NKAIN3: variants seen among roughly 807,000 people sequenced by gnomAD.
The protein encoded by NKAIN3 is sodium/potassium transporting ATPase interacting 3.
A neutral mutation model predicts 30.2 loss-of-function variants in NKAIN3; 25 were observed. That is an observed-to-expected ratio of 0.83 (90% CI 0.60 to 1.16). NKAIN3 has a LOEUF of 1.16. Among genes scored for constraint, NKAIN3 ranks in the 50% most tolerant of loss-of-function variants. The probability of loss-of-function intolerance (pLI) is 0.00; values close to 1 mark genes in which losing one functional copy is unlikely to be tolerated. For missense variants in NKAIN3, 225 were observed against 254.1 expected, an observed-to-expected ratio of 0.89 and a Z score of 0.78; for synonymous variants, 91 against 89.6, an observed-to-expected ratio of 1.02 and a Z score of -0.09.
intron 3 of NKAIN3, among the ~76,000 whole-genome samples, chr8:62,667,770 C>T (rs1229183984): frequency 6.6e-6 from 1 of 152,066 alleles, no homozygotes; most frequent in Non-Finnish European, 1.5e-5. Context: ...TAGCATGAAC[C>T]TCAAACTCCA....
At chr8:62,886,332 T>C (rs1821146408) in intron 4 of NKAIN3, among the ~76,000 whole-genome samples, 1 of 152,076 alleles carries the variant, frequency 6.6e-6, no homozygotes, top group Admixed American at 6.6e-5. Flanking sequence ...ATTTTACTCA[T>C]ACAGAAGCAT....
intron 3 of NKAIN3, among the ~76,000 whole-genome samples, chr8:62,652,058 G>C (rs1160260116): frequency 2.0e-5 from 3 of 152,118 alleles, no homozygotes; most frequent in African/African-American, 7.2e-5. Flanking sequence ...GGCAAAAGGG[G>C]CAAGGAAGCT....
intron 1 of NKAIN3, among the ~76,000 whole-genome samples, chr8:62,298,651 G>A (rs1227166992): frequency 6.6e-6 from 1 of 152,094 alleles, no homozygotes; most frequent in African/African-American, 2.4e-5. Context: ...GGTAAGCCAT[G>A]TGTGTATCAC....
intron 1 of NKAIN3, among the ~76,000 whole-genome samples, chr8:62,563,940 A>C (rs1809665695): frequency 6.6e-6 from 1 of 152,180 alleles, no homozygotes; most frequent in East Asian, 1.9e-4. Flanking sequence ...TGAGTCACTT[A>C]AGTGCACAAC....
chr8:62,395,448 C>G (rs1474805014), intron 1 of NKAIN3, among the ~76,000 whole-genome samples: 2 of 152,118 alleles, frequency 1.3e-5, no homozygotes, highest in African/African-American at 4.8e-5. Context: ...TTGGTAATAT[C>G]TTTAAGGATT....
intron 4 of NKAIN3, among the ~76,000 whole-genome samples, chr8:62,879,937 A>G (rs1476278374): frequency 2.0e-5 from 3 of 152,104 alleles, no homozygotes. Flanking sequence ...CCTCCATATT[A>G]GGCTGCCCTT....
At chr8:62,682,058 A>C (rs1047447913) in intron 3 of NKAIN3, among the ~76,000 whole-genome samples, 1 of 152,166 alleles carries the variant, frequency 6.6e-6, no homozygotes, top group Non-Finnish European at 1.5e-5. Context: ...TGCTCCAAGA[A>C]CTACTGCAGG....
At position 62,562,930 on chromosome 8, in the gene NKAIN3, T is replaced by C. The variant is rs188980850; in HGVS notation, c.55-16609T>C. Among the ~76,000 whole-genome samples the C allele has an allele frequency of 7.2e-4, 110 of 152,208 alleles. 1 individual carries two copies. The Middle Eastern group carries it at 0.02, about 28-fold the overall frequency. On this transcript the variant is annotated intron_variant, in intron 1 of 6. Coordinates refer to ENST00000623646, the MANE Select transcript of NKAIN3 (RefSeq NM_001304533.3). ...TAGAGAAACTTTTGGCCCGTAACCC[T>C]GTCTCCTGTCGTCTCATGCTGGGTT...
chr8:62,332,871 A>G (rs58103991), intron 1 of NKAIN3, among the ~76,000 whole-genome samples: 5,034 of 152,186 alleles, frequency 0.033, 310 homozygotes, highest in African/African-American at 0.11. Context: ...TACAAAAAAT[A>G]CAAAACTTAG....
intron 3 of NKAIN3, among the ~76,000 whole-genome samples, chr8:62,728,912 C>G (rs1286521735): frequency 6.6e-6 from 1 of 150,642 alleles, no homozygotes; most frequent in Non-Finnish European, 1.5e-5. Flanking sequence ...ATGGCGTGAA[C>G]CCGGAAGGCG....
At chr8:62,309,757 G>A (rs559861744) in intron 1 of NKAIN3, among the ~76,000 whole-genome samples, 1 of 150,430 alleles carries the variant, frequency 6.6e-6, no homozygotes, top group East Asian at 1.9e-4. Context: ...TCATAACTTA[G>A]CAGGAAAGTA....
At chr8:62,434,947 TC>T (rs895873976) in intron 1 of NKAIN3, among the ~76,000 whole-genome samples, 1 of 152,046 alleles carries the variant, frequency 6.6e-6, no homozygotes, top group African/African-American at 2.4e-5. Context: ...TTGAGGCACA[TC>T]AATCATTTTT....
chr8:62,279,248 G>A (rs181721525), intron 1 of NKAIN3, among the ~76,000 whole-genome samples: 307 of 152,194 alleles, frequency 2.0e-3, no homozygotes, highest in African/African-American at 6.4e-3. Context: ...ATTTGTTTGC[G>A]TTCTTTGTAG....
intron 1 of NKAIN3, among the ~76,000 whole-genome samples, chr8:62,528,006 C>T (rs1252628930): frequency 1.3e-5 from 2 of 150,538 alleles, no homozygotes; most frequent in East Asian, 2.0e-4. Context: ...TCTTTCTTGT[C>T]CATTAAATCT....
chr8:62,975,499 T>A lies in NKAIN3; in HGVS notation c.*10092T>A, dbSNP rs1823922119. On this transcript the variant is annotated 3_prime_UTR_variant, in exon 7 of 7. Coordinates refer to ENST00000623646, the MANE Select transcript of NKAIN3 (RefSeq NM_001304533.3). Reference sequence around the variant, plus strand: ...ACGGTAGTTTGCATTTCTGTGGGATTAGTGGTGATCTCCACTTTATCACTT... The same window carrying A: ...ACGGTAGTTTGCATTTCTGTGGGATAAGTGGTGATCTCCACTTTATCACTT... Among the ~76,000 whole-genome samples, 1 of 152,106 alleles carries A rather than the reference T, an allele frequency of 6.6e-6. No individual in the cohort carries two copies. The highest frequency in any genetic ancestry group is 2.4e-5 in the African/African-American group (1 of 41,434).
At chr8:62,414,507 T>G (rs961108602) in intron 1 of NKAIN3, among the ~76,000 whole-genome samples, 2 of 152,208 alleles carry the variant, frequency 1.3e-5, no homozygotes, top group African/African-American at 4.8e-5. Flanking sequence ...AATTCTGCTG[T>G]TCGTGGCGTT....
At chr8:62,566,474 A>ATTAT (rs1432277256) in intron 1 of NKAIN3, among the ~76,000 whole-genome samples, 2 of 152,270 alleles carry the variant, frequency 1.3e-5, no homozygotes, top group South Asian at 2.1e-4. Context: ...AAAAAAATTA[A>ATTAT]TTAATGGCTT....
Position 62,311,509 on chromosome 8 carries a change from G to A in NKAIN3, c.54+62382G>A, listed in dbSNP as rs541006560. Among the ~76,000 whole-genome samples, 3 of 150,644 alleles carry A rather than the reference G, an allele frequency of 2.0e-5. 1 individual carries two copies. Among genetic ancestry groups the A allele is most frequent in the African/African-American group, 5.0e-5 (2 of 40,032 alleles). On this transcript the variant is annotated intron_variant, in intron 1 of 6. Coordinates refer to ENST00000623646, the MANE Select transcript of NKAIN3 (RefSeq NM_001304533.3). Reference sequence around the variant, plus strand: ...TATCCAACTAATGCCTGTCTGACTCGAAACTCCACCATCATTTCAGTGCCT... The same window carrying A: ...TATCCAACTAATGCCTGTCTGACTCAAAACTCCACCATCATTTCAGTGCCT...
chr8:62,904,380 C>T lies in NKAIN3; in HGVS notation c.472-14073C>T, dbSNP rs73260901. Among the ~76,000 whole-genome samples, 636 of 152,302 alleles carry T rather than the reference C, an allele frequency of 4.2e-3. 4 individuals are homozygous for T. Among genetic ancestry groups the T allele is most frequent in the African/African-American group, 0.014 (598 of 41,554 alleles). Reference sequence around the variant, plus strand: ...CATGTAAAATCAACCAAAGTTAACCCATAAATGAAAAGACTCTACTATCCT... The same window carrying T: ...CATGTAAAATCAACCAAAGTTAACCTATAAATGAAAAGACTCTACTATCCT... On this transcript the variant is annotated intron_variant, in intron 4 of 6. Coordinates refer to ENST00000623646, the MANE Select transcript of NKAIN3 (RefSeq NM_001304533.3).
Sources: allele counts gnomAD v4.1 joint callset (sites outside exome capture counted in the v4.1 genomes callset), GRCh38; gene constraint gnomAD v4.1.1; transcripts MANE v1.5; gene names NCBI Gene and HGNC (gene_info 2026-07-23, HGNC 2026-07-21).